The following OTUD7B variants were observed in gnomAD, a reference collection of about 807,000 sequenced individuals.
OTUD7B encodes the protein OTU deubiquitinase 7B.
A neutral mutation model predicts 82.2 loss-of-function variants in OTUD7B; 34 were observed. The observed-to-expected ratio is 0.41, with a 90% CI of 0.31 to 0.55. The LOEUF is 0.55. Among genes scored for constraint, OTUD7B ranks in the 20% least tolerant of loss-of-function variants. OTUD7B has a pLI of 0.20. For synonymous variants in OTUD7B, 398 were observed against 402.7 expected (o/e 0.99, Z 0.14); for missense variants, 944 against 1,062.1 (o/e 0.89, Z 1.55).
intron 1 of OTUD7B, among the ~76,000 whole-genome samples, chr1:149,987,047 A>G (rs1187672802): frequency 1.3e-5 from 2 of 152,260 alleles, no homozygotes; most frequent in African/African-American, 4.8e-5. Flanking sequence ...AAAGAAAGTA[A>G]TATGTTTTAA....
At chr1:149,957,793 C>T (rs587637188) in intron 7 of OTUD7B, among the ~76,000 whole-genome samples, 26 of 152,320 alleles carry the variant, frequency 1.7e-4, no homozygotes, top group Non-Finnish European at 2.5e-4. Context: ...GACTGCTGTG[C>T]TAGCAGTGAG....
At position 149,938,110 on chromosome 1, in the gene OTUD7B, C is replaced by T. The variant is rs1366716475; in HGVS notation, c.*5747G>A. On this transcript the variant is annotated 3_prime_UTR_variant, in exon 12 of 12. Coordinates refer to ENST00000581312, the MANE Select transcript of OTUD7B (RefSeq NM_020205.4). ...ACCACCACCCCACCTGCCCCTAATG[C>T]ATTCCATGGGCCTCAACCTCTTGGG... is the stretch of plus-strand genomic sequence containing the variant. 6.6e-6 allele frequency: 1 copy of T among 152,448 alleles called. No homozygotes were observed. Among genetic ancestry groups the T allele is most frequent in the Non-Finnish European group, 1.5e-5 (1 of 68,180 alleles). 9.4% of individuals were successfully genotyped at this position (152,448 alleles called of 1,614,324 possible).
At chr1:149,976,798 A>G (rs976385336) in intron 2 of OTUD7B, among the ~76,000 whole-genome samples, 4 of 152,008 alleles carry the variant, frequency 2.6e-5, no homozygotes, top group Admixed American at 2.0e-4. Context: ...AGTCACTTCT[A>G]TATAAAGAGG....
chr1:149,949,830 C>T (rs1328149754), intron 8 of OTUD7B, 52 bp from the exon 9 acceptor site: 2 of 1,565,158 alleles, frequency 1.3e-6, no homozygotes, highest in Non-Finnish European at 1.7e-6. Context: ...GCCTAGTGGA[C>T]AATCCCTACA....
At chr1:149,962,298 A>G (rs1649212412) in intron 6 of OTUD7B, 1 of 152,192 alleles carries the variant, frequency 6.6e-6, no homozygotes, top group African/African-American at 2.4e-5. Flanking sequence ...AACATAAAAC[A>G]AGGAAGCCCA....
intron 2 of OTUD7B, among the ~76,000 whole-genome samples, chr1:149,976,708 AC>A (rs1430982005): frequency 6.6e-6 from 1 of 152,008 alleles, no homozygotes; most frequent in African/African-American, 2.4e-5. Context: ...AAATTGATTC[AC>A]TCAACATAGA....
At position 149,967,473 on chromosome 1, in the gene OTUD7B, G is replaced by A; in HGVS notation, c.323C>T (p.Ser108Phe). ...GISHASSSIV[S>F]LARSHVSSNG... ...GGAGGAGACATGGGACCGGGCCAGGGAAACAATGCTGGAGCTGGCGTGGGA... is the reference window on the plus strand; with the variant it reads ...GGAGGAGACATGGGACCGGGCCAGGAAAACAATGCTGGAGCTGGCGTGGGA... Residue 108 changes from serine to phenylalanine, a missense_variant, in exon 4 of 12, where the codon TCC (serine) becomes TTC (phenylalanine). Coordinates refer to ENST00000581312, the MANE Select transcript of OTUD7B (RefSeq NM_020205.4). 1 of 1,613,698 alleles carries A rather than the reference G, an allele frequency of 6.2e-7. No homozygotes were observed. Among genetic ancestry groups the A allele is most frequent in the Non-Finnish European group, 8.5e-7 (1 of 1,179,738 alleles).
chr1:149,969,680 T>C (rs1649775786), intron 3 of OTUD7B, among the ~76,000 whole-genome samples: 1 of 152,162 alleles, frequency 6.6e-6, no homozygotes, highest in African/African-American at 2.4e-5. Flanking sequence ...TACATTGCAT[T>C]GTGTCTTACC....
the OTUD7B span, among the ~76,000 whole-genome samples, chr1:150,030,935 G>A: frequency 1.1e-4 from 17 of 152,108 alleles, no homozygotes; most frequent in East Asian, 3.3e-3. Flanking sequence ...CCACCACACT[G>A]GCTAATTTTG....
chr1:150,020,406 G>A, the OTUD7B span, among the ~76,000 whole-genome samples: 4 of 152,074 alleles, frequency 2.6e-5, no homozygotes, highest in African/African-American at 7.2e-5. Context: ...GCATGGTGGC[G>A]CGCACCTGTA....
chr1:150,014,348 A>G (rs2101966719), upstream of OTUD7B, among the ~76,000 whole-genome samples: 1 of 145,768 alleles, frequency 6.9e-6, no homozygotes, highest in Admixed American at 7.0e-5. Context: ...TCAGGGAACC[A>G]TGATTGCACC....
chr1:149,970,476 G>A (rs1385782672), intron 3 of OTUD7B, among the ~76,000 whole-genome samples: 3 of 151,704 alleles, frequency 2.0e-5, no homozygotes, highest in Non-Finnish European at 2.9e-5. Flanking sequence ...GTACCACCAC[G>A]CCCAGCTAAT....
intron 1 of OTUD7B, among the ~76,000 whole-genome samples, chr1:150,009,842 T>G (rs1176499458): frequency 1.3e-5 from 2 of 152,126 alleles, no homozygotes; most frequent in Non-Finnish European, 2.9e-5. Flanking sequence ...TTACTCATCA[T>G]CAGCTTCTAA....
the OTUD7B span, among the ~76,000 whole-genome samples, chr1:150,021,986 T>C: frequency 6.6e-6 from 1 of 152,154 alleles, no homozygotes; most frequent in Non-Finnish European, 1.5e-5. Context: ...AAACTCTCCC[T>C]TTCTCTCTCT....
At chr1:149,972,929 G>A (rs782409458) in intron 2 of OTUD7B, among the ~76,000 whole-genome samples, 3 of 152,050 alleles carry the variant, frequency 2.0e-5, no homozygotes, top group Non-Finnish European at 4.4e-5. Flanking sequence ...CTCTTCCTAT[G>A]TTCCCTAAAT....
intron 11 of OTUD7B, 147 bp from the exon 12 acceptor site, chr1:149,945,212 C>T: frequency 9.2e-7 from 1 of 1,081,458 alleles, no homozygotes; most frequent in African/African-American, 1.6e-5. Context: ...GGATGGACAC[C>T]TATGAACTCC....
chr1:150,010,226 T>G, intron 1 of OTUD7B, among the ~76,000 whole-genome samples: 1 of 148,496 alleles, frequency 6.7e-6, no homozygotes, highest in South Asian at 2.2e-4. Flanking sequence ...GAGCGCGGGG[T>G]AGGAACGCAG....
At chr1:149,968,364 C>T (rs1553777052) in intron 3 of OTUD7B, among the ~76,000 whole-genome samples, 3 of 151,998 alleles carry the variant, frequency 2.0e-5, no homozygotes, top group African/African-American at 7.2e-5. Flanking sequence ...CAACTACTCT[C>T]AATACCCATA....
At chr1:150,016,456 T>TC in the OTUD7B span, among the ~76,000 whole-genome samples, 1 of 147,236 alleles carries the variant, frequency 6.8e-6, no homozygotes, top group Non-Finnish European at 1.5e-5. Flanking sequence ...CTTTTTCTTT[T>TC]TTTTTTTTTT....
Sources: gnomAD v4.1 joint callset for allele counts (sites outside exome capture counted in the v4.1 genomes callset) on GRCh38, gnomAD v4.1.1 for gene constraint, MANE v1.5 for transcripts, NCBI Gene and HGNC (gene_info 2026-07-23, HGNC 2026-07-21) for gene names.